Variants in ANXA9 observed in about 807,000 individuals in gnomAD.
ANXA9 encodes the protein annexin A9, also known as annexin 31.
Under a neutral mutation model 51.8 loss-of-function variants are expected in ANXA9, and 47 were observed. That is an observed-to-expected ratio of 0.91 (90% CI 0.72 to 1.16). ANXA9 has a LOEUF of 1.16. Ranked by LOEUF, ANXA9 falls within the 50% of genes most tolerant of loss-of-function variation. The pLI is 0.00. For missense variants in ANXA9, 361 were observed against 424.7 expected (o/e 0.85, Z 1.32); for synonymous variants, 154 against 168.7 (o/e 0.91, Z 0.68).
chr1:150,978,802 A>T (rs936796599), upstream of ANXA9, among the ~76,000 whole-genome samples: 1 of 152,010 alleles, frequency 6.6e-6, no homozygotes, highest in African/African-American at 2.4e-5. Flanking sequence ...TGTCTCTACT[A>T]AAAATACAAA....
chr1:150,982,242 G>A (rs1475086801), upstream of ANXA9: 2 of 152,502 alleles, frequency 1.3e-5, no homozygotes, highest in Non-Finnish European at 2.9e-5. Context: ...GTCCCTAAGA[G>A]AGGTCATCTG....
chr1:150,992,033 C>T (rs999019902), intron 12 of ANXA9, among the ~76,000 whole-genome samples: 1 of 152,112 alleles, frequency 6.6e-6, no homozygotes. Flanking sequence ...TTCCAAAGTG[C>T]TGGGATTACA....
upstream of ANXA9, among the ~76,000 whole-genome samples, chr1:150,978,023 C>T (rs1671364461): frequency 6.6e-6 from 1 of 152,004 alleles, no homozygotes; most frequent in African/African-American, 2.4e-5. Flanking sequence ...GTAGTTCCAG[C>T]TACTTTGGAG....
At chr1:150,994,233 T>C (rs895746945) in intron 12 of ANXA9, among the ~76,000 whole-genome samples, 5 of 152,158 alleles carry the variant, frequency 3.3e-5, no homozygotes, top group African/African-American at 4.8e-5. Flanking sequence ...GCAGTCTTTA[T>C]ATGCACCAAA....
Position 150,983,436 on chromosome 1 carries a change from TGA to T in ANXA9, c.172+4_172+5del, listed in dbSNP as rs1324231057. ...TACTGAGGGCCATTACTGGCCAAGG[TGA>T]GCCCCTTTCCCCCGGCACTTGAGAC... On this transcript the variant is annotated splice_donor_region_variant and intron_variant, in intron 4 of 13. Transcript: ENST00000368947. 1 of 1,606,392 alleles carries T rather than the reference TGA, an allele frequency of 6.2e-7. No homozygotes were observed. Among genetic ancestry groups the T allele is most frequent in the Non-Finnish European group, 8.5e-7 (1 of 1,176,308 alleles).
chr1:150,985,765 G>T (rs942814976), intron 7 of ANXA9, among the ~76,000 whole-genome samples: 1 of 151,892 alleles, frequency 6.6e-6, no homozygotes, highest in Non-Finnish European at 1.5e-5. Flanking sequence ...ATGGGGTTTC[G>T]CTGTGTTGTC....
At chr1:150,981,380 C>A (rs1262824188), upstream of ANXA9, among the ~76,000 whole-genome samples, 1 of 152,116 alleles carries the variant, frequency 6.6e-6, no homozygotes, top group African/African-American at 2.4e-5. Flanking sequence ...CCGCCCCTAC[C>A]CAGGCTCTCC....
Position 150,983,120 on chromosome 1 carries a change from C to G in ANXA9, c.15C>G (p.Gly5=), listed in dbSNP as rs373174808. The change falls in exon 3 of 14, where the codon GGC becomes GGG. Residue 5 remains glycine, a synonymous_variant. Coordinates refer to ENST00000368947, the MANE Select transcript of ANXA9 (RefSeq NM_003568.3). MSVT[G]GKMAPSLTQE... ...CCAGTAGCACCATGTCTGTGACTGG[C>G]GGGAAGATGGCACCGTCCCTCACCC... The G allele has an allele frequency of 3.7e-6, 6 of 1,613,816 alleles. No individual in the cohort carries two copies. Among genetic ancestry groups the G allele is most frequent in the Non-Finnish European group, 5.1e-6 (6 of 1,179,932 alleles).
chr1:150,985,843 A>G (rs1671542882), intron 7 of ANXA9, among the ~76,000 whole-genome samples: 1 of 152,112 alleles, frequency 6.6e-6, no homozygotes. Flanking sequence ...CTGGGATTAC[A>G]AGCATGAGCC....
rs1183501553 is a variant in ANXA9, at chr1:150,995,344, A to G, written c.*22A>G. 5.7e-6 allele frequency: 9 copies of G among 1,586,038 alleles called. No homozygotes were observed. Among genetic ancestry groups the G allele is most frequent in the East Asian group, 2.3e-5 (1 of 42,812 alleles). On this transcript the variant is annotated 3_prime_UTR_variant, in exon 14 of 14. Transcript: ENST00000368947. ...GTGAGACTTCCCTGCCCCACCCCAC[A>G]TGACATCCGAGGATCTGAGATTTCC...
chr1:150,993,197 AC>A (rs774424060), intron 12 of ANXA9, among the ~76,000 whole-genome samples: 1 of 152,146 alleles, frequency 6.6e-6, no homozygotes, highest in Admixed American at 6.6e-5. Context: ...AAAAAAAAAA[AC>A]ACAGGAATTT....
chr1:150,986,672 G>A lies in ANXA9; in HGVS notation c.612+11G>A, dbSNP rs1394771122. The A allele has an allele frequency of 6.3e-7, 1 of 1,584,716 alleles. No individual in the cohort carries two copies. The highest frequency in any genetic ancestry group is 1.4e-5 in the African/African-American group (1 of 72,782). ...GAACAAGATGTCCAGGTGAGCAGGG[G>A]GTTTAGGAGTGTGCACAGCCGCCAT... On this transcript the variant is annotated intron_variant, in intron 9 of 13. Coordinates refer to ENST00000368947, the MANE Select transcript of ANXA9 (RefSeq NM_003568.3).
At chr1:150,992,164 T>C (rs1671720703) in intron 12 of ANXA9, among the ~76,000 whole-genome samples, 1 of 152,230 alleles carries the variant, frequency 6.6e-6, no homozygotes, top group African/African-American at 2.4e-5. Flanking sequence ...CAGCAATGGC[T>C]GATTCAGGAC....
At position 150,983,962 on chromosome 1, in the gene ANXA9, C is replaced by T. The variant is rs1316611606; in HGVS notation, c.173-13C>T. The stretch of plus-strand genomic sequence containing the variant: ...AAGACCCTGCTCACAGCACAGCCCT[C>T]ATCTCGGTTCAGGCGTGGACCGCAG... On this transcript the variant is annotated splice_polypyrimidine_tract_variant and intron_variant, in intron 4 of 13. Coordinates refer to ENST00000368947, the MANE Select transcript of ANXA9 (RefSeq NM_003568.3). The T allele has an allele frequency of 1.2e-6, 2 of 1,609,594 alleles. No individual in the cohort carries two copies. Among genetic ancestry groups the T allele is most frequent in the African/African-American group, 1.3e-5 (1 of 74,842 alleles).
In ANXA9 at chr1:150,984,677, G is replaced by A. The variant is rs778582095; in HGVS notation, c.472+1G>A. ...GAGTGCCTGGCAGTCTACAAACACA[G>A]TAAGAATATAGAGGGAGGGGTCCCA... On this transcript the variant is annotated splice_donor_variant, in intron 7 of 13. Transcript: ENST00000368947. LOFTEE classifies it high-confidence loss of function. 1.6e-5 allele frequency: 26 copies of A among 1,613,430 alleles called. No homozygotes were observed. The highest frequency in any genetic ancestry group is 2.2e-5 in the Non-Finnish European group (26 of 1,179,580).
chr1:150,980,572 C>CT (rs869295630), upstream of ANXA9, among the ~76,000 whole-genome samples: 17,771 of 89,166 alleles, frequency 0.2, 3,810 homozygotes, highest in South Asian at 0.35. Context: ...ACACAGATTA[C>CT]TTTTTTTTTT....
rs764519256 is a variant in ANXA9, at chr1:150,986,605, G to A, written c.556G>A (p.Gly186Ser). ...QDLLLALAKG[G>S]RDSYSGIIDY... Reference sequence around the variant, plus strand: ...TAAGAACAGTTTCTCCTCCTAGGGGGGCCGTGACAGCTACTCTGGAATCAT... The same window carrying A: ...TAAGAACAGTTTCTCCTCCTAGGGGAGCCGTGACAGCTACTCTGGAATCAT... Residue 186 changes from glycine to serine, a missense_variant, in exon 9 of 14, where the codon GGC (glycine) becomes AGC (serine). Gly to Ser is a moderately conservative substitution (Grantham distance 56, BLOSUM62 0). Coordinates refer to ENST00000368947, the MANE Select transcript of ANXA9 (RefSeq NM_003568.3). The A allele has an allele frequency of 4.4e-6, 7 of 1,606,656 alleles. No homozygotes were observed. Among genetic ancestry groups the A allele is most frequent in the Non-Finnish European group, 5.1e-6 (6 of 1,177,992 alleles).
intron 5 of ANXA9, 50 bp from the exon 6 acceptor site, chr1:150,984,231 G>T: frequency 6.3e-7 from 1 of 1,577,746 alleles, no homozygotes. Flanking sequence ...ACACTTCTGG[G>T]GCCCTTCCCC....
At chr1:150,980,386 A>G (rs1332582540), upstream of ANXA9, among the ~76,000 whole-genome samples, 3 of 149,566 alleles carry the variant, frequency 2.0e-5, no homozygotes, top group African/African-American at 7.4e-5. Flanking sequence ...ACAGAGAGAG[A>G]CTCCGCCTCA....
Sources: allele counts gnomAD v4.1 joint callset (sites outside exome capture counted in the v4.1 genomes callset), GRCh38; gene constraint gnomAD v4.1.1; transcripts MANE v1.5; gene names NCBI Gene and HGNC (gene_info 2026-07-23, HGNC 2026-07-21).